The following USP47 variants were observed in gnomAD, a reference collection of about 807,000 sequenced individuals.
USP47 encodes the protein ubiquitin specific peptidase 47.
Under a neutral mutation model 165.1 loss-of-function variants are expected in USP47, and 35 were observed. The ratio of observed to expected loss-of-function variants is 0.21; its 90% CI spans 0.16 to 0.28. The LOEUF is 0.28. USP47 is among the 10% of genes least tolerant of loss of function. The pLI, the probability that USP47 is intolerant of heterozygous loss-of-function variation, is 1.00. For synonymous variants in USP47, 531 were observed against 544.5 expected (o/e 0.98, Z 0.35); for missense variants, 1,277 against 1,607.4 (o/e 0.79, Z 3.52).
chr11:11,852,779 A>G (rs1295029280), intron 1 of USP47, among the ~76,000 whole-genome samples: 1 of 152,222 alleles, frequency 6.6e-6, no homozygotes, highest in Non-Finnish European at 1.5e-5. Flanking sequence ...TATTCAGTCT[A>G]TCCTCTTTAA....
chr11:11,909,413 A>C (rs1272253488), intron 8 of USP47, among the ~76,000 whole-genome samples: 1 of 152,214 alleles, frequency 6.6e-6, no homozygotes, highest in East Asian at 1.9e-4. Context: ...AGTTCTAAGT[A>C]TATTCTAGTA....
At chr11:11,913,357 T>G (rs1281478864) in intron 8 of USP47, among the ~76,000 whole-genome samples, 1 of 150,974 alleles carries the variant, frequency 6.6e-6, no homozygotes, top group Non-Finnish European at 1.5e-5. Flanking sequence ...TTCAAGATAC[T>G]AACAATGAAC....
chr11:11,930,179 G>GT lies in USP47; in HGVS notation c.1595+66dup, dbSNP rs567004954. 1,425 of 1,461,584 alleles carry GT rather than the reference G, an allele frequency of 9.7e-4. 13 individuals carry two copies. In the African/African-American group the frequency reaches 0.018, roughly 18 times the overall value. The allele number at this position is 1,461,584 out of a possible 1,614,324, so 90.5% of individuals were successfully genotyped here. A position where few individuals can be genotyped will look rare whatever the true frequency, so the allele number is the denominator to read the frequency against. ...TTAGAATTAATTATAGCTTCTCAGT[G>GT]TTTTTTTATCATCAAAGATTTAACC... On this transcript the variant is annotated intron_variant, in intron 13 of 27. Coordinates refer to ENST00000527733, the MANE Select transcript of USP47 (RefSeq NM_001282659.2).
chr11:11,885,907 T>G (rs1421960482), intron 3 of USP47, among the ~76,000 whole-genome samples: 2 of 152,156 alleles, frequency 1.3e-5, no homozygotes, highest in Admixed American at 6.6e-5. Context: ...TCTTTGCTGT[T>G]TCACAGCCTT....
chr11:11,891,702 G>A (rs780264081), intron 3 of USP47, among the ~76,000 whole-genome samples: 1 of 152,166 alleles, frequency 6.6e-6, no homozygotes, highest in Non-Finnish European at 1.5e-5. Flanking sequence ...CTAGGCCTAC[G>A]TGGCCAGGAT....
At chr11:11,843,528 C>G (rs772652841) in intron 1 of USP47, among the ~76,000 whole-genome samples, 63 of 152,162 alleles carry the variant, frequency 4.1e-4, no homozygotes, top group Non-Finnish European at 6.5e-4. Context: ...AGGTACTTTA[C>G]CACGTAAGTA....
intron 1 of USP47, chr11:11,873,936 T>C: frequency 1.2e-6 from 1 of 807,542 alleles, no homozygotes; most frequent in South Asian, 2.8e-5. Context: ...TTATTTAATA[T>C]CAAGGCATGT....
At chr11:11,881,625 C>T (rs1463263224) in intron 2 of USP47, among the ~76,000 whole-genome samples, 1 of 151,976 alleles carries the variant, frequency 6.6e-6, no homozygotes, top group Non-Finnish European at 1.5e-5. Context: ...GCTAAGCATG[C>T]TCTTTTTTGA....
At chr11:11,861,706 C>A (rs1849397256) in intron 1 of USP47, among the ~76,000 whole-genome samples, 1 of 152,004 alleles carries the variant, frequency 6.6e-6, no homozygotes, top group Non-Finnish European at 1.5e-5. Context: ...CTGAGGGACA[C>A]CCTAATACTA....
chr11:11,957,475 G>T lies in USP47; in HGVS notation c.*1300G>T. The stretch of plus-strand genomic sequence containing the variant: ...GTAAAACTTTTTCATGCCAGATGCT[G>T]TTTACAACAATGAACATGCCAATAA... On this transcript the variant is annotated 3_prime_UTR_variant, in exon 28 of 28. Coordinates refer to ENST00000527733, the MANE Select transcript of USP47 (RefSeq NM_001282659.2). The T allele has an allele frequency of 6.5e-6, 1 of 152,702 alleles. No individual in the cohort carries two copies. The highest frequency in any genetic ancestry group is 2.1e-4 in the South Asian group (1 of 4,818). The allele number at this position is 152,702 out of a possible 1,614,324, so 9.5% of individuals were successfully genotyped here.
At chr11:11,848,032 C>T (rs1385537770) in intron 1 of USP47, among the ~76,000 whole-genome samples, 1 of 152,216 alleles carries the variant, frequency 6.6e-6, no homozygotes, top group Non-Finnish European at 1.5e-5. Context: ...CTCAAAGTTA[C>T]ATAGCTATTT....
intron 16 of USP47, among the ~76,000 whole-genome samples, chr11:11,934,507 A>AT (rs1171472244): frequency 6.6e-6 from 1 of 152,158 alleles, no homozygotes; most frequent in African/African-American, 2.4e-5. Flanking sequence ...CCATAGTCAG[A>AT]TGCGTTACCC....
chr11:11,865,119 C>A (rs1045137037), intron 1 of USP47, among the ~76,000 whole-genome samples: 1 of 152,072 alleles, frequency 6.6e-6, no homozygotes, highest in Non-Finnish European at 1.5e-5. Context: ...GATTATGATG[C>A]GTCTTGAGAT....
intron 5 of USP47, among the ~76,000 whole-genome samples, chr11:11,901,958 CAAAA>C (rs34053426): frequency 7.5e-5 from 5 of 66,748 alleles, no homozygotes; most frequent in South Asian, 4.8e-4. Context: ...GACTCTGTCT[CAAAA>C]AAAAAAAAAA....
chr11:11,893,303 G>C (rs974558044), intron 4 of USP47, among the ~76,000 whole-genome samples: 26 of 152,074 alleles, frequency 1.7e-4, no homozygotes, highest in African/African-American at 5.8e-4. Context: ...TGTCATTAAT[G>C]GTGTTTCATG....
intron 8 of USP47, among the ~76,000 whole-genome samples, chr11:11,915,483 T>A (rs1853346784): frequency 6.6e-6 from 1 of 152,192 alleles, no homozygotes; most frequent in Non-Finnish European, 1.5e-5. Flanking sequence ...AATAGACACA[T>A]ATACACAGGC....
At chr11:11,862,489 TCTC>T (rs1849441094) in intron 1 of USP47, among the ~76,000 whole-genome samples, 1 of 152,152 alleles carries the variant, frequency 6.6e-6, no homozygotes, top group Non-Finnish European at 1.5e-5. Context: ...TCCTGACAAG[TCTC>T]CTCACATCCT....
At chr11:11,885,588 A>C (rs527493265) in intron 3 of USP47, among the ~76,000 whole-genome samples, 1 of 152,130 alleles carries the variant, frequency 6.6e-6, no homozygotes, top group South Asian at 2.1e-4. Context: ...ACACAGAGCT[A>C]TGTGGAATCT....
At chr11:11,895,860 T>C (rs937512645) in intron 4 of USP47, among the ~76,000 whole-genome samples, 1 of 152,192 alleles carries the variant, frequency 6.6e-6, no homozygotes, top group Non-Finnish European at 1.5e-5. Context: ...AGGATTTCTT[T>C]TTGCATGTGC....
Sources: gnomAD v4.1 joint callset for allele counts (sites outside exome capture counted in the v4.1 genomes callset) on GRCh38, gnomAD v4.1.1 for gene constraint, MANE v1.5 for transcripts, NCBI Gene and HGNC (gene_info 2026-07-23, HGNC 2026-07-21) for gene names.